PRIM2: variants seen among roughly 807,000 people sequenced by gnomAD.
PRIM2 encodes DNA primase large subunit.
Under a neutral mutation model 67.3 loss-of-function variants are expected in PRIM2, and 39 were observed. The ratio of observed to expected loss-of-function variants is 0.58; its 90% CI spans 0.45 to 0.76. The LOEUF is 0.76. Ranked by LOEUF, PRIM2 falls within the 30% of genes least tolerant of loss-of-function variation. The pLI is 0.00. For synonymous variants in PRIM2, 143 were observed against 198.7 expected (o/e 0.72, Z 2.36); for missense variants, 398 against 598.7 (o/e 0.66, Z 3.50).
At chr6:57,561,667 C>T (rs1319473583) in intron 10 of PRIM2, among the ~76,000 whole-genome samples, 1 of 152,224 alleles carries the variant, frequency 6.6e-6, no homozygotes, top group Non-Finnish European at 1.5e-5. Context: ...TCCATCTAGA[C>T]TACTCAATCT....
chr6:57,515,150 A>G (rs1774456164), intron 8 of PRIM2, among the ~76,000 whole-genome samples: 1 of 152,214 alleles, frequency 6.6e-6, no homozygotes, highest in African/African-American at 2.4e-5. Context: ...GTAATAAAGT[A>G]GAAAATTGAT....
intron 10 of PRIM2, among the ~76,000 whole-genome samples, chr6:57,600,538 G>T (rs1311947751): frequency 6.6e-6 from 1 of 151,984 alleles, no homozygotes; most frequent in African/African-American, 2.4e-5. Context: ...TTAATTTTTT[G>T]TAGAGATGGG....
chr6:57,377,310 G>A (rs1769801250), intron 5 of PRIM2, among the ~76,000 whole-genome samples: 2 of 152,054 alleles, frequency 1.3e-5, no homozygotes, highest in South Asian at 4.1e-4. Context: ...TAGAGTTTTA[G>A]TTCTTCTTTT....
chr6:57,392,388 A>G (rs1006907636), intron 7 of PRIM2, among the ~76,000 whole-genome samples: 2 of 152,136 alleles, frequency 1.3e-5, no homozygotes, highest in Non-Finnish European at 2.9e-5. Context: ...AATTAATAAT[A>G]GCTGAATAGT....
chr6:57,271,180 T>C, the PRIM2 span, among the ~76,000 whole-genome samples: 7 of 152,218 alleles, frequency 4.6e-5, no homozygotes, highest in South Asian at 1.4e-3. Flanking sequence ...TCTCTATTCA[T>C]TGGACTAGTT....
chr6:57,593,994 G>A lies in PRIM2; in HGVS notation c.1021-7099G>A, dbSNP rs1364572818. Among the ~76,000 whole-genome samples, 911 of 152,238 alleles carry A rather than the reference G, an allele frequency of 6.0e-3. 6 individuals carry two copies. The highest frequency in any genetic ancestry group is 9.7e-3 in the Non-Finnish European group (663 of 68,002). On this transcript the variant is annotated intron_variant, in intron 10 of 13. Transcript: ENST00000615550. ...GTTCTTTCCCTATTTTGTGATGAAC[G>A]TAACTGAAATCTTGTATCTAATTAA...
At chr6:57,486,641 G>A (rs1464304342) in intron 7 of PRIM2, among the ~76,000 whole-genome samples, 1 of 152,164 alleles carries the variant, frequency 6.6e-6, no homozygotes, top group Non-Finnish European at 1.5e-5. Context: ...AGTATATATG[G>A]CATGTTCAAC....
intron 10 of PRIM2, among the ~76,000 whole-genome samples, chr6:57,546,483 T>G (rs1775292257): frequency 6.6e-6 from 1 of 152,188 alleles, no homozygotes; most frequent in Non-Finnish European, 1.5e-5. Flanking sequence ...GAATACACAG[T>G]GAACAAGGAA....
chr6:57,383,514 A>G (rs1194830330), intron 7 of PRIM2: 1 of 149,812 alleles, frequency 6.7e-6, no homozygotes, highest in Non-Finnish European at 1.5e-5. Flanking sequence ...GCCTGTGACA[A>G]TGTCATTGTG....
At chr6:57,615,068 C>T (rs1427609559) in intron 12 of PRIM2, among the ~76,000 whole-genome samples, 8 of 152,154 alleles carry the variant, frequency 5.3e-5, no homozygotes, top group African/African-American at 1.7e-4. Context: ...TTTTCCACTT[C>T]AGCTTTTCCT....
At chr6:57,320,701 TA>T (rs57731727) in intron 3 of PRIM2, 141 bp downstream of exon 3, 23,313 of 560,114 alleles carry the variant, frequency 0.042, 587 homozygotes, top group Non-Finnish European at 0.054. Flanking sequence ...TTCAGTGTAT[TA>T]GGGGTGATTG....
At chr6:57,247,394 T>G in the PRIM2 span, among the ~76,000 whole-genome samples, 1 of 152,192 alleles carries the variant, frequency 6.6e-6, no homozygotes, top group Admixed American at 6.5e-5. Flanking sequence ...TTTTGGGAAT[T>G]TGTAAAGTGC....
In PRIM2 at chr6:57,439,410, T is replaced by TG. The variant is rs1562753212; in HGVS notation, c.693+57242_693+57243insG. 8.0e-4 allele frequency among the ~76,000 whole-genome samples: 86 copies of TG among 107,248 alleles called. 3 individuals carry two copies. Among genetic ancestry groups the TG allele is most frequent in the South Asian group, 6.4e-3 (21 of 3,296 alleles). The allele number at this position is 107,248 out of a possible 152,430, so 70.4% of individuals were successfully genotyped here. A position where few individuals can be genotyped will look rare whatever the true frequency, so the allele number is the denominator to read the frequency against. On this transcript the variant is annotated intron_variant, in intron 7 of 13. Transcript: ENST00000615550. The stretch of plus-strand genomic sequence containing the variant: ...CTTTGAGTAGAGGTACTCTGTTTTT[T>TG]TTTTTTTTTTTTTTTTTTTTTTTGA...
chr6:57,571,749 A>G (rs1436308246), intron 10 of PRIM2, among the ~76,000 whole-genome samples: 1 of 152,154 alleles, frequency 6.6e-6, no homozygotes, highest in South Asian at 2.1e-4. Flanking sequence ...CAAAACCAAA[A>G]TTTATTTCTG....
intron 12 of PRIM2, among the ~76,000 whole-genome samples, chr6:57,631,657 C>T (rs1181899738): frequency 6.6e-6 from 1 of 152,102 alleles, no homozygotes; most frequent in Non-Finnish European, 1.5e-5. Context: ...ATTAAATTTT[C>T]CTGATGGGCA....
intron 7 of PRIM2, among the ~76,000 whole-genome samples, chr6:57,466,076 G>A (rs1396129437): frequency 6.6e-6 from 1 of 151,946 alleles, no homozygotes; most frequent in Non-Finnish European, 1.5e-5. Context: ...GAGGTGTTTG[G>A]TTTTCTGTTC....
chr6:57,237,129 T>G, the PRIM2 span, among the ~76,000 whole-genome samples: 1 of 151,754 alleles, frequency 6.6e-6, no homozygotes, highest in Non-Finnish European at 1.5e-5. Flanking sequence ...AGATAGTATC[T>G]CATTGTGGTT....
At chr6:57,630,476 T>C (rs1462665127) in intron 12 of PRIM2, among the ~76,000 whole-genome samples, 1 of 152,030 alleles carries the variant, frequency 6.6e-6, no homozygotes, top group Non-Finnish European at 1.5e-5. Context: ...TCAGTTTTCT[T>C]TAGTAAGTTT....
chr6:57,338,865 C>T (rs1211710437), intron 5 of PRIM2, among the ~76,000 whole-genome samples: 1 of 150,236 alleles, frequency 6.7e-6, no homozygotes, highest in East Asian at 1.9e-4. Flanking sequence ...GGCAATTAGG[C>T]AGGAGAAGGA....
Sources: gnomAD v4.1 joint callset for allele counts (sites outside exome capture counted in the v4.1 genomes callset) on GRCh38, gnomAD v4.1.1 for gene constraint, MANE v1.5 for transcripts, NCBI Gene and HGNC (gene_info 2026-07-23, HGNC 2026-07-21) for gene names.